IQSEC1: variants seen among roughly 807,000 people sequenced by gnomAD.
IQSEC1 encodes IQ motif and Sec7 domain ArfGEF 1, also known as IQ motif and SEC7 domain-containing protein 1.
A neutral mutation model predicts 91.0 loss-of-function variants in IQSEC1; 31 were observed. The observed-to-expected ratio is 0.34, with a 90% CI of 0.26 to 0.46. The LOEUF (loss-of-function observed/expected upper bound fraction) is 0.46. Among genes scored for constraint, IQSEC1 ranks in the 20% least tolerant of loss-of-function variants. The pLI, the probability that IQSEC1 is intolerant of heterozygous loss-of-function variation, is 1.00. For synonymous variants in IQSEC1, 699 were observed against 662.6 expected, an observed-to-expected ratio of 1.05 and a Z score of -0.84; for missense variants, 1,388 against 1,575.6, an observed-to-expected ratio of 0.88 and a Z score of 2.02.
intron 1 of IQSEC1, among the ~76,000 whole-genome samples, chr3:12,956,913 G>A (rs1454803370): frequency 1.3e-5 from 2 of 152,216 alleles, no homozygotes; most frequent in African/African-American, 2.4e-5. Context: ...GGGAGCGTGG[G>A]AATCGAGGGA....
At chr3:13,276,080 C>T (rs147159793) in intron 1 of IQSEC1, among the ~76,000 whole-genome samples, 484 of 79,230 alleles carry the variant, frequency 6.1e-3, no homozygotes, top group South Asian at 0.013. Context: ...CAAAAGCATT[C>T]TTTTTTTTTT....
At chr3:13,130,141 C>G (rs57331418) in intron 2 of IQSEC1, among the ~76,000 whole-genome samples, 22 of 149,640 alleles carry the variant, frequency 1.5e-4, no homozygotes, top group African/African-American at 5.4e-4. Context: ...GTCAGGAGTT[C>G]GAGAACAGCC....
intron 6 of IQSEC1, among the ~76,000 whole-genome samples, chr3:12,918,454 T>C (rs1696314665): frequency 6.6e-6 from 1 of 152,082 alleles, no homozygotes; most frequent in African/African-American, 2.4e-5. Context: ...GGCCAGTCAT[T>C]TCTGGTTCCT....
At chr3:13,072,202 G>C (rs1432789713) in intron 1 of IQSEC1, among the ~76,000 whole-genome samples, 1 of 152,232 alleles carries the variant, frequency 6.6e-6, no homozygotes, top group African/African-American at 2.4e-5. Context: ...AGTTTAGGCA[G>C]GTGGAGACCT....
chr3:13,016,701 G>T (rs945479522), intron 1 of IQSEC1, among the ~76,000 whole-genome samples: 1 of 152,106 alleles, frequency 6.6e-6, no homozygotes, highest in Non-Finnish European at 1.5e-5. Context: ...CACTCTCAAC[G>T]CAAGGCCACC....
At chr3:13,157,742 C>A (rs1228772311) in intron 2 of IQSEC1, among the ~76,000 whole-genome samples, 1 of 152,156 alleles carries the variant, frequency 6.6e-6, no homozygotes, top group South Asian at 2.1e-4. Flanking sequence ...CTCAGACCCT[C>A]CCTCAGGATT....
At chr3:13,225,012 G>A (rs756198668) in intron 1 of IQSEC1, among the ~76,000 whole-genome samples, 5 of 152,260 alleles carry the variant, frequency 3.3e-5, no homozygotes, top group Non-Finnish European at 7.3e-5. Context: ...TGTGCCATTA[G>A]CAATACTGCC....
At chr3:13,128,203 TG>T (rs1706549830) in intron 2 of IQSEC1, among the ~76,000 whole-genome samples, 1 of 152,264 alleles carries the variant, frequency 6.6e-6, no homozygotes, top group Admixed American at 6.5e-5. Context: ...AATGATATGT[TG>T]AATCACAGTA....
In IQSEC1 at chr3:12,952,761, TC is replaced by T. The variant is rs923442647; in HGVS notation, c.24-10897del. Among the ~76,000 whole-genome samples the T allele has an allele frequency of 2.0e-4, 30 of 152,246 alleles. 1 individual carries two copies. Among genetic ancestry groups the T allele is most frequent in the African/African-American group, 7.0e-4 (29 of 41,542 alleles). ...CTGTTCCCACTGCTCAGAGCGGACT[TC>T]CCCCAGGCTGCCTGGCTCCCTCCCT... On this transcript the variant is annotated intron_variant, in intron 1 of 13. Transcript: ENST00000613206.
At position 12,924,453 on chromosome 3, in the gene IQSEC1, G is replaced by T. The variant is rs780734866; in HGVS notation, c.1730+128C>A. 1.0e-6 allele frequency: 1 copy of T among 959,288 alleles called. No homozygotes were observed. Among genetic ancestry groups the T allele is most frequent in the Non-Finnish European group, 1.5e-6 (1 of 662,766 alleles). 59.4% of individuals were successfully genotyped at this position (959,288 alleles called of 1,614,324 possible). A position where few individuals can be genotyped will look rare whatever the true frequency, so the allele number is the denominator to read the frequency against. The stretch of plus-strand genomic sequence containing the variant: ...TGTGTGTCTAGGACTTAGGAAGAGA[G>T]AAAGGGGGGCCCACCACATGTCCCA... On this transcript the variant is annotated intron_variant, in intron 4 of 13. Transcript: ENST00000613206. This position sits in a 1 kb window ranked among gnomAD's most constrained non-coding sequence, Gnocchi z 6.3.
chr3:13,209,763 C>T (rs1694410379), intron 1 of IQSEC1, among the ~76,000 whole-genome samples: 1 of 152,250 alleles, frequency 6.6e-6, no homozygotes, highest in South Asian at 2.1e-4. Context: ...GAATAATCCA[C>T]TGCATCCCAG....
chr3:13,118,839 G>A (rs1226222190), intron 2 of IQSEC1, among the ~76,000 whole-genome samples: 2 of 152,130 alleles, frequency 1.3e-5, no homozygotes, highest in African/African-American at 4.8e-5. Context: ...ACTTCGGGAG[G>A]CCAAGGTGGT....
At chr3:13,079,550 G>A (rs1339356041) in intron 2 of IQSEC1, among the ~76,000 whole-genome samples, 1 of 152,180 alleles carries the variant, frequency 6.6e-6, no homozygotes, top group African/African-American at 2.4e-5. Context: ...TGCCAGTGTC[G>A]TGGAGACAGA....
At chr3:13,226,997 G>A (rs1163925488) in intron 1 of IQSEC1, among the ~76,000 whole-genome samples, 1 of 152,098 alleles carries the variant, frequency 6.6e-6, no homozygotes. Flanking sequence ...GTTTGGGATC[G>A]TTTGAGCCCA....
At chr3:13,227,375 C>CA (rs753199634) in intron 1 of IQSEC1, among the ~76,000 whole-genome samples, 19,431 of 69,648 alleles carry the variant, frequency 0.28, 2,915 homozygotes, top group Non-Finnish European at 0.34. Context: ...GACTCTGTCT[C>CA]AAAAAAAAAA....
intron 1 of IQSEC1, among the ~76,000 whole-genome samples, chr3:13,199,765 G>A (rs919143123): frequency 8.2e-6 from 1 of 122,366 alleles, no homozygotes; most frequent in Non-Finnish European, 1.7e-5. Context: ...CGGACGTGAG[G>A]ATGCCCTTCC....
intron 2 of IQSEC1, among the ~76,000 whole-genome samples, chr3:13,115,947 A>G (rs955862247): frequency 6.6e-6 from 1 of 152,214 alleles, no homozygotes; most frequent in Admixed American, 6.5e-5. Context: ...CGGAAGCATC[A>G]GGGAGCCCCC....
At chr3:13,117,645 G>C (rs957026751) in intron 2 of IQSEC1, among the ~76,000 whole-genome samples, 19 of 144,956 alleles carry the variant, frequency 1.3e-4, no homozygotes, top group African/African-American at 4.7e-4. Flanking sequence ...CCAGCACTCT[G>C]AGAGGCCAAG....
chr3:13,101,419 CAA>C (rs5846799), intron 2 of IQSEC1, among the ~76,000 whole-genome samples: 2 of 119,430 alleles, frequency 1.7e-5, no homozygotes, highest in Non-Finnish European at 3.5e-5. Context: ...ATTCCATCTC[CAA>C]AAAAAAAAAA....
Sources: allele counts gnomAD v4.1 joint callset (sites outside exome capture counted in the v4.1 genomes callset), GRCh38; gene constraint gnomAD v4.1.1; non-coding constraint Gnocchi (gnomAD v3.1); transcripts MANE v1.5; gene names NCBI Gene and HGNC (gene_info 2026-07-23, HGNC 2026-07-21).